The following WWOX variants were observed in gnomAD, a reference collection of about 807,000 sequenced individuals.
The protein encoded by WWOX is WW domain containing oxidoreductase.
A neutral mutation model predicts 46.2 loss-of-function variants in WWOX; 69 were observed. The observed-to-expected ratio is 1.49, with a 90% CI of 1.23 to 1.82. The LOEUF (loss-of-function observed/expected upper bound fraction) is 1.82. Ranked by LOEUF, WWOX falls within the 40% of genes most tolerant of loss-of-function variation. The pLI is 0.00. For synonymous variants in WWOX, 359 were observed against 202.6 expected (o/e 1.77, Z -6.56); for missense variants, 919 against 542.6 (o/e 1.69, Z -6.89).
At chr16:78,685,269 A>G (rs16948310) in intron 8 of WWOX, among the ~76,000 whole-genome samples, 13,092 of 152,162 alleles carry the variant, frequency 0.086, 1,145 homozygotes, top group African/African-American at 0.23. Flanking sequence ...TCTTGTTTCT[A>G]ATGACTCAAG....
At chr16:78,444,115 C>A (rs912292557) in intron 8 of WWOX, among the ~76,000 whole-genome samples, 46 of 152,178 alleles carry the variant, frequency 3.0e-4, no homozygotes, top group Non-Finnish European at 3.7e-4. Flanking sequence ...AACTCCTCTC[C>A]CTCTTCTTTT....
chr16:78,808,412 A>G (rs1303342851), intron 8 of WWOX, among the ~76,000 whole-genome samples: 3 of 152,218 alleles, frequency 2.0e-5, no homozygotes, highest in African/African-American at 7.2e-5. Flanking sequence ...ATATGGGTAA[A>G]TGCTATTGGG....
chr16:79,097,112 C>G (rs918208419), intron 8 of WWOX, among the ~76,000 whole-genome samples: 4 of 151,874 alleles, frequency 2.6e-5, no homozygotes, highest in Non-Finnish European at 5.9e-5. Context: ...TTCCATCATA[C>G]CCTGTAGGTA....
intron 8 of WWOX, among the ~76,000 whole-genome samples, chr16:79,207,533 G>A (rs1159315231): frequency 1.3e-5 from 2 of 152,198 alleles, no homozygotes; most frequent in African/African-American, 4.8e-5. Flanking sequence ...GCTGTGCAAT[G>A]TCCCTGTAAG....
At chr16:78,894,781 A>G (rs184003873) in intron 8 of WWOX, among the ~76,000 whole-genome samples, 11 of 152,284 alleles carry the variant, frequency 7.2e-5, no homozygotes, top group Admixed American at 3.9e-4. Context: ...GAAGATGTTT[A>G]TCATATGAAG....
chr16:78,535,908 A>G (rs899265304), intron 8 of WWOX, among the ~76,000 whole-genome samples: 1 of 152,108 alleles, frequency 6.6e-6, no homozygotes, highest in Non-Finnish European at 1.5e-5. Context: ...AAGTGGGGAT[A>G]ATTTATTGAC....
chr16:79,014,617 T>G (rs1269292373), intron 8 of WWOX, among the ~76,000 whole-genome samples: 1 of 152,180 alleles, frequency 6.6e-6, no homozygotes, highest in African/African-American at 2.4e-5. Flanking sequence ...GAGCAGCTAC[T>G]CAGTGCCTAA....
At chr16:78,107,816 C>T (rs1227961808) in intron 1 of WWOX, among the ~76,000 whole-genome samples, 1 of 152,044 alleles carries the variant, frequency 6.6e-6, no homozygotes, top group African/African-American at 2.4e-5. Flanking sequence ...TAAAAAGAAA[C>T]ACAAATAAAT....
At chr16:78,282,872 C>T (rs957160914) in intron 5 of WWOX, among the ~76,000 whole-genome samples, 7 of 112,404 alleles carry the variant, frequency 6.2e-5, no homozygotes, top group Non-Finnish European at 8.5e-5. Flanking sequence ...GAGCAACACT[C>T]CATCTCAAAA....
intron 8 of WWOX, among the ~76,000 whole-genome samples, chr16:79,048,216 G>A (rs558515094): frequency 6.6e-5 from 10 of 152,284 alleles, no homozygotes; most frequent in African/African-American, 2.4e-4. Flanking sequence ...AGGCCAGGAG[G>A]GAGCTGACCT....
chr16:79,207,060 G>T (rs2051537291), intron 8 of WWOX, among the ~76,000 whole-genome samples: 1 of 152,166 alleles, frequency 6.6e-6, no homozygotes, highest in Admixed American at 6.5e-5. Context: ...AGTGGTTATA[G>T]CCTCTCCTGG....
At chr16:78,938,979 T>C (rs1452945579) in intron 8 of WWOX, among the ~76,000 whole-genome samples, 3 of 152,102 alleles carry the variant, frequency 2.0e-5, no homozygotes, top group Non-Finnish European at 1.5e-5. Context: ...TGTAATGACA[T>C]GGTTTAGATT....
At chr16:79,012,524 T>C (rs530804093) in intron 8 of WWOX, among the ~76,000 whole-genome samples, 102 of 152,308 alleles carry the variant, frequency 6.7e-4, no homozygotes, top group Admixed American at 2.2e-3. Context: ...CAAGAGCCAC[T>C]GCGCAGACGG....
chr16:79,101,272 A>T (rs552664913), intron 8 of WWOX: 1 of 152,192 alleles, frequency 6.6e-6, no homozygotes, highest in Non-Finnish European at 1.5e-5. Flanking sequence ...AATGTTTTGA[A>T]ATGAGCTTGA....
intron 8 of WWOX, among the ~76,000 whole-genome samples, chr16:79,083,319 AC>A (rs1285898649): frequency 6.6e-6 from 1 of 152,068 alleles, no homozygotes; most frequent in Admixed American, 6.6e-5. Flanking sequence ...GTTCACCCTG[AC>A]CCCTTCCTAT....
chr16:78,741,739 C>G (rs1249737729), intron 8 of WWOX, among the ~76,000 whole-genome samples: 1 of 152,080 alleles, frequency 6.6e-6, no homozygotes, highest in Admixed American at 6.6e-5. Context: ...TCTGTAGTCT[C>G]AGCTACTCAG....
chr16:78,410,696 G>C (rs28814418), intron 6 of WWOX, among the ~76,000 whole-genome samples: 38,615 of 151,160 alleles, frequency 0.26, 9,507 homozygotes, highest in African/African-American at 0.64. Flanking sequence ...ATCCCAGTTA[G>C]TTGGGGGGCT....
At chr16:78,291,629 G>A (rs1017008133) in intron 5 of WWOX, among the ~76,000 whole-genome samples, 1 of 152,068 alleles carries the variant, frequency 6.6e-6, no homozygotes, top group African/African-American at 2.4e-5. Context: ...TGGATCCCCA[G>A]GTTTCAATCT....
At chr16:78,621,872 T>C (rs934350066) in intron 8 of WWOX, among the ~76,000 whole-genome samples, 1 of 152,074 alleles carries the variant, frequency 6.6e-6, no homozygotes, top group Non-Finnish European at 1.5e-5. Context: ...CCCAAAGTGC[T>C]GGGATTACAG....
Sources: gnomAD v4.1 joint callset for allele counts (sites outside exome capture counted in the v4.1 genomes callset) on GRCh38, gnomAD v4.1.1 for gene constraint, MANE v1.5 for transcripts, NCBI Gene and HGNC (gene_info 2026-07-23, HGNC 2026-07-21) for gene names.